The following RHOG variants were observed in gnomAD, a reference collection of about 807,000 sequenced individuals.
The protein encoded by RHOG is rho-related GTP-binding protein RhoG.
A neutral mutation model predicts 12.3 loss-of-function variants in RHOG; 1 was observed. That is an observed-to-expected ratio of 0.08 (90% CI 0.03 to 0.39). RHOG has a LOEUF of 0.39. RHOG is among the 10% of genes least tolerant of loss of function. The pLI, the probability that RHOG is intolerant of heterozygous loss-of-function variation, is 0.99. For missense variants in RHOG, 114 were observed against 266.2 expected (o/e 0.43, Z 3.98); for synonymous variants, 129 against 116.0 (o/e 1.11, Z -0.72).
At chr11:3,831,903 A>G (rs1314941000) in intron 1 of RHOG, among the ~76,000 whole-genome samples, 1 of 152,182 alleles carries the variant, frequency 6.6e-6, no homozygotes, top group East Asian at 1.9e-4. Flanking sequence ...TGGCTGTCAC[A>G]AGGCCCAAGA....
intron 1 of RHOG, among the ~76,000 whole-genome samples, chr11:3,839,602 A>AACACACACACACACACACACACACAC (rs112483411): frequency 1.9e-4 from 27 of 141,594 alleles, no homozygotes; most frequent in African/African-American, 6.8e-4. Flanking sequence ...CACACACGCA[A>AACACACACACACACACACACACACAC]ACACACACAC....
At chr11:3,833,294 T>C (rs1444124350) in intron 1 of RHOG, among the ~76,000 whole-genome samples, 1 of 152,112 alleles carries the variant, frequency 6.6e-6, no homozygotes, top group Non-Finnish European at 1.5e-5. Context: ...CATCTTTTTG[T>C]TTGTTTGTAG....
intron 1 of RHOG, among the ~76,000 whole-genome samples, chr11:3,830,153 C>T (rs7933771): frequency 0.14 from 21,320 of 152,130 alleles, 1,604 homozygotes; most frequent in Middle Eastern, 0.17. Context: ...CTGGCATGTG[C>T]CTCTGAAAGA....
chr11:3,839,079 G>T (rs376443562), intron 1 of RHOG, among the ~76,000 whole-genome samples: 1 of 152,168 alleles, frequency 6.6e-6, no homozygotes, highest in Non-Finnish European at 1.5e-5. Flanking sequence ...TCTTAAGTCC[G>T]AAGTTAGACC....
At chr11:3,828,701 G>C (rs763958924) in intron 1 of RHOG, among the ~76,000 whole-genome samples, 10 of 143,104 alleles carry the variant, frequency 7.0e-5, no homozygotes, top group Non-Finnish European at 1.5e-4. Context: ...TCGGCTTACT[G>C]CAAGCTCCGC....
intron 1 of RHOG, 104 bp from the exon 2 acceptor site, chr11:3,828,310 C>T: frequency 1.6e-6 from 1 of 619,670 alleles, no homozygotes; most frequent in South Asian, 2.0e-5. Flanking sequence ...TTCCCTTAAC[C>T]TGACACTATC....
intron 1 of RHOG, 43 bp from the exon 2 acceptor site, chr11:3,828,249 C>T (rs958422508): frequency 4.0e-6 from 4 of 1,000,920 alleles, no homozygotes; most frequent in Non-Finnish European, 5.9e-6. Context: ...AGGGAGGCCT[C>T]TGCCTATTGG....
chr11:3,838,498 C>A (rs1421239413), intron 1 of RHOG, among the ~76,000 whole-genome samples: 1 of 123,938 alleles, frequency 8.1e-6, no homozygotes, highest in Non-Finnish European at 1.8e-5. Flanking sequence ...GCCTTGTATG[C>A]ACATCCTTCT....
chr11:3,835,982 G>C (rs1285135519), intron 1 of RHOG, among the ~76,000 whole-genome samples: 1 of 151,680 alleles, frequency 6.6e-6, no homozygotes, highest in Non-Finnish European at 1.5e-5. Context: ...ACCAGGCCAA[G>C]GGCTGAGTCT....
chr11:3,832,175 T>C (rs2090133551), intron 1 of RHOG, among the ~76,000 whole-genome samples: 1 of 152,212 alleles, frequency 6.6e-6, no homozygotes, highest in Admixed American at 6.5e-5. Context: ...AGCCCTCATA[T>C]GGTATAAGCC....
intron 1 of RHOG, among the ~76,000 whole-genome samples, chr11:3,839,426 G>A (rs975664992): frequency 6.6e-6 from 1 of 151,940 alleles, no homozygotes; most frequent in African/African-American, 2.4e-5. Context: ...TCTCAAGGCT[G>A]AGGGCAGTTA....
chr11:3,827,249 A>G lies in RHOG; in HGVS notation c.*314T>C. 1 of 379,020 alleles carries G rather than the reference A, an allele frequency of 2.6e-6. No homozygotes were observed. Among genetic ancestry groups the G allele is most frequent in the Non-Finnish European group, 4.8e-6 (1 of 206,548 alleles). The allele number at this position is 379,020 out of a possible 1,614,324, so 23.5% of individuals were successfully genotyped here. On this transcript the variant is annotated 3_prime_UTR_variant, in exon 2 of 2. Transcript: ENST00000351018. This position sits in a 1 kb window ranked among gnomAD's most constrained non-coding sequence, Gnocchi z 7.3. ...ACAATAGGCAGCAACAACTGTGTGG[A>G]AAGCTGGATGAACTGGTCAGTAGCG...
intron 1 of RHOG, among the ~76,000 whole-genome samples, chr11:3,835,772 G>A (rs2090152210): frequency 6.6e-6 from 1 of 152,178 alleles, no homozygotes. Context: ...GAATATCCGA[G>A]GACCCTTGGT....
chr11:3,828,847 C>T (rs1016043363), intron 1 of RHOG, among the ~76,000 whole-genome samples: 4 of 151,850 alleles, frequency 2.6e-5, no homozygotes, highest in Non-Finnish European at 5.9e-5. Flanking sequence ...GTCTCGATCT[C>T]CTGACCTCGT....
intron 1 of RHOG, among the ~76,000 whole-genome samples, chr11:3,830,993 C>CCA (rs2090124497): frequency 6.6e-6 from 1 of 152,114 alleles, no homozygotes; most frequent in African/African-American, 2.4e-5. Context: ...TCTCCCACAA[C>CCA]CAGGGCCTGC....
rs1393934490 is a variant in RHOG, at chr11:3,827,784, G to A, written c.355C>T (p.Leu119=). 1 of 1,613,790 alleles carries A rather than the reference G, an allele frequency of 6.2e-7. No individual in the cohort carries two copies. The highest frequency in any genetic ancestry group is 8.5e-7 in the Non-Finnish European group (1 of 1,179,760). ...PILLVGTKKD[L]RAQPDTLRRL... Reference sequence around the variant, plus strand: ...CGTAGGGTGTCAGGCTGGGCTCTCAGGTCCTTCTTGGTGCCCACCAGCAGG... The same window carrying A: ...CGTAGGGTGTCAGGCTGGGCTCTCAAGTCCTTCTTGGTGCCCACCAGCAGG... Residue 119 remains leucine, a synonymous_variant, in exon 2 of 2, where the codon CTG becomes TTG. Transcript: ENST00000351018. This position sits in a 1 kb window ranked among gnomAD's most constrained non-coding sequence, Gnocchi z 7.3.
At chr11:3,833,723 C>G (rs975317158) in intron 1 of RHOG, among the ~76,000 whole-genome samples, 2 of 152,198 alleles carry the variant, frequency 1.3e-5, no homozygotes, top group Non-Finnish European at 2.9e-5. Flanking sequence ...AATATGTGCA[C>G]AATGTAGGTA....
At chr11:3,831,993 AGCGTAGCTTCC>A (rs1819522879) in intron 1 of RHOG, among the ~76,000 whole-genome samples, 1 of 152,172 alleles carries the variant, frequency 6.6e-6, no homozygotes, top group Non-Finnish European at 1.5e-5. Flanking sequence ...GGGGAAGGAC[AGCGTAGCTTCC>A]GGGCTGGGAA....
chr11:3,828,423 G>A (rs990105483), intron 1 of RHOG, among the ~76,000 whole-genome samples: 1 of 152,128 alleles, frequency 6.6e-6, no homozygotes, highest in South Asian at 2.1e-4. Context: ...AAACTCTGGC[G>A]CCAGACAAAC....
Sources: gnomAD v4.1 joint callset for allele counts (sites outside exome capture counted in the v4.1 genomes callset) on GRCh38, gnomAD v4.1.1 for gene constraint, Gnocchi (gnomAD v3.1) non-coding constraint, MANE v1.5 for transcripts, NCBI Gene and HGNC (gene_info 2026-07-23, HGNC 2026-07-21) for gene names.